The following DPYS variants were observed in gnomAD, a reference collection of about 807,000 sequenced individuals.
DPYS encodes the protein dihydropyrimidinase.
In DPYS, 39 loss-of-function variants were observed where a neutral mutation model predicts 50.3. The ratio of observed to expected loss-of-function variants is 0.78; its 90% confidence interval spans 0.60 to 1.01. The LOEUF (loss-of-function observed/expected upper bound fraction) is 1.01. Among genes scored for constraint, DPYS ranks in the 50% least tolerant of loss-of-function variants. The probability of loss-of-function intolerance (pLI) is 0.00; values close to 1 mark genes in which losing one functional copy is unlikely to be tolerated. For missense variants in DPYS, 659 were observed against 680.9 expected (o/e 0.97, Z 0.36); for synonymous variants, 245 against 250.7 (o/e 0.98, Z 0.22).
chr8:104,402,351 T>C (rs1312313023), intron 7 of DPYS, among the ~76,000 whole-genome samples: 1 of 152,240 alleles, frequency 6.6e-6, no homozygotes, highest in Non-Finnish European at 1.5e-5. Context: ...AATAATTTAG[T>C]GTCTTTAAGG....
At position 104,437,914 on chromosome 8, in the gene DPYS, T is replaced by C. The variant is rs543558153; in HGVS notation, c.793+6334A>G. On this transcript the variant is annotated intron_variant, in intron 4 of 9. Coordinates refer to ENST00000351513, the MANE Select transcript of DPYS (RefSeq NM_001385.3). ...TTTGTGATAAGAAGACAAGAAATTG[T>C]ATAGGGTTTTCCTGTTCCTCAGTAA... is the stretch of plus-strand genomic sequence containing the variant. Among the ~76,000 whole-genome samples, 88 of 152,312 alleles carry C rather than the reference T, an allele frequency of 5.8e-4. 1 individual carries two copies. The highest frequency in any genetic ancestry group is 2.0e-3 in the African/African-American group (84 of 41,578).
At chr8:104,395,630 GCTC>G (rs1238085226) in intron 7 of DPYS, among the ~76,000 whole-genome samples, 2 of 152,104 alleles carry the variant, frequency 1.3e-5, no homozygotes, top group Non-Finnish European at 2.9e-5. Flanking sequence ...TGTATCAATA[GCTC>G]CTTTTTTGTT....
At chr8:104,436,021 G>A (rs1226528547) in intron 4 of DPYS, among the ~76,000 whole-genome samples, 2 of 152,096 alleles carry the variant, frequency 1.3e-5, no homozygotes, top group South Asian at 2.1e-4. Flanking sequence ...GGAGGTCTGG[G>A]TCTGTCAACA....
chr8:104,407,861 G>A (rs936566864), intron 7 of DPYS, among the ~76,000 whole-genome samples: 1 of 152,104 alleles, frequency 6.6e-6, no homozygotes, highest in African/African-American at 2.4e-5. Context: ...TCTAATAAAT[G>A]GGTTTCCTAT....
intron 1 of DPYS, among the ~76,000 whole-genome samples, chr8:104,461,437 T>C (rs545908075): frequency 6.1e-4 from 93 of 152,324 alleles, no homozygotes; most frequent in African/African-American, 2.2e-3. Flanking sequence ...TAAACTCCTT[T>C]AAGATGTGTC....
At position 104,464,160 on chromosome 8, in the gene DPYS, AACCTTTAAGT is replaced by A. The variant is rs1355260028; in HGVS notation, c.264+2487_264+2496del. ...ACATGTTTTTGTTTAATGTTTTCAC[AACCTTTAAGT>A]ACAGAAATGCTTAGAGGATCAGCTG... On this transcript the variant is annotated intron_variant, in intron 1 of 9. Coordinates refer to ENST00000351513, the MANE Select transcript of DPYS (RefSeq NM_001385.3). Among the ~76,000 whole-genome samples the A allele has an allele frequency of 2.6e-5, 4 of 152,330 alleles. 1 individual carries two copies. The highest frequency in any genetic ancestry group is 9.6e-5 in the African/African-American group (4 of 41,586).
intron 2 of DPYS, among the ~76,000 whole-genome samples, chr8:104,450,907 G>A (rs1320453096): frequency 4.6e-5 from 7 of 152,178 alleles, no homozygotes; most frequent in Non-Finnish European, 8.8e-5. Flanking sequence ...TAAAAGATTC[G>A]GGGGATATTG....
chr8:104,405,157 C>A (rs1406874380), intron 7 of DPYS, among the ~76,000 whole-genome samples: 8 of 152,186 alleles, frequency 5.3e-5, no homozygotes, highest in Admixed American at 1.3e-4. Context: ...TCGGGTGTGG[C>A]CACTATCCAT....
chr8:104,402,504 G>A (rs1811853696), intron 7 of DPYS, among the ~76,000 whole-genome samples: 1 of 152,176 alleles, frequency 6.6e-6, no homozygotes, highest in Non-Finnish European at 1.5e-5. Flanking sequence ...ACTGGTGAGA[G>A]TTAGAAATAA....
At chr8:104,388,933 T>C (rs960255291) in intron 8 of DPYS, among the ~76,000 whole-genome samples, 3 of 152,188 alleles carry the variant, frequency 2.0e-5, no homozygotes, top group Non-Finnish European at 2.9e-5. Flanking sequence ...AAGGCAGGGG[T>C]AATCTGCTGG....
At position 104,424,018 on chromosome 8, in the gene DPYS, G is replaced by A. The variant is rs1812637825; in HGVS notation, c.1235+229C>T. The A allele has an allele frequency of 7.1e-6, 7 of 985,246 alleles. No homozygotes were observed. In the South Asian group the frequency reaches 2.3e-4, roughly 33 times the overall value. The allele number at this position is 985,246 out of a possible 1,614,324, so 61.0% of individuals were successfully genotyped here. A position where few individuals can be genotyped will look rare whatever the true frequency, so the allele number is the denominator to read the frequency against. On this transcript the variant is annotated intron_variant, in intron 7 of 9. Coordinates refer to ENST00000351513, the MANE Select transcript of DPYS (RefSeq NM_001385.3). ...TAAATTCATATTGGTTTTATATACA[G>A]ATCCATTGTCAGAGAATGCAACACA...
chr8:104,442,606 G>T (rs1245749346), intron 4 of DPYS, among the ~76,000 whole-genome samples: 2 of 152,112 alleles, frequency 1.3e-5, no homozygotes, highest in African/African-American at 4.8e-5. Flanking sequence ...ATCAGAAATG[G>T]TTGGTTAGTA....
intron 1 of DPYS, among the ~76,000 whole-genome samples, chr8:104,456,353 T>G (rs907326081): frequency 2.6e-5 from 4 of 152,148 alleles, no homozygotes; most frequent in African/African-American, 9.7e-5. Flanking sequence ...ACTGAAGATA[T>G]GATAGTCAAA....
intron 7 of DPYS, among the ~76,000 whole-genome samples, chr8:104,400,947 T>C (rs138959621): frequency 6.6e-6 from 1 of 152,340 alleles, no homozygotes; most frequent in Non-Finnish European, 1.5e-5. Context: ...AGAAAATCAC[T>C]GAAGCAGAGC....
intron 7 of DPYS, among the ~76,000 whole-genome samples, chr8:104,403,338 A>G (rs1251353181): frequency 1.3e-5 from 2 of 152,202 alleles, no homozygotes; most frequent in African/African-American, 4.8e-5. Flanking sequence ...TAATAGAGCT[A>G]TAACACTCAC....
At chr8:104,397,061 C>A (rs1811616679) in intron 7 of DPYS, among the ~76,000 whole-genome samples, 1 of 152,128 alleles carries the variant, frequency 6.6e-6, no homozygotes, top group Non-Finnish European at 1.5e-5. Context: ...CTTTTTCCTT[C>A]CAGCTGAAGC....
chr8:104,405,740 A>G (rs1811974983), intron 7 of DPYS, among the ~76,000 whole-genome samples: 2 of 152,228 alleles, frequency 1.3e-5, no homozygotes, highest in Admixed American at 1.3e-4. Flanking sequence ...GCTGAGTCCA[A>G]GGCGGTGATG....
At chr8:104,457,989 C>T (rs536798961) in intron 1 of DPYS, among the ~76,000 whole-genome samples, 22 of 152,212 alleles carry the variant, frequency 1.4e-4, no homozygotes, top group East Asian at 1.4e-3. Context: ...CTCTACTGCC[C>T]GGTGCCACCT....
At position 104,462,524 on chromosome 8, in the gene DPYS, A is replaced by C. The variant is rs145165118; in HGVS notation, c.264+4133T>G. 7.1e-4 allele frequency among the ~76,000 whole-genome samples: 108 copies of C among 152,292 alleles called. 1 individual carries two copies. The highest frequency in any genetic ancestry group is 3.4e-3 in the Middle Eastern group (1 of 294). ...ATTTTGAGAACTTTTTGTCCTTTACAATAAAGAAAAAACAAAAGAAAAAAA... is the reference window on the plus strand; with the variant it reads ...ATTTTGAGAACTTTTTGTCCTTTACCATAAAGAAAAAACAAAAGAAAAAAA... On this transcript the variant is annotated intron_variant, in intron 1 of 9. Transcript: ENST00000351513.
Sources: gnomAD v4.1 joint callset for allele counts (sites outside exome capture counted in the v4.1 genomes callset) on GRCh38, gnomAD v4.1.1 for gene constraint, MANE v1.5 for transcripts, NCBI Gene and HGNC (gene_info 2026-07-23, HGNC 2026-07-21) for gene names.